SGCZ: variants seen among roughly 807,000 people sequenced by gnomAD.
SGCZ encodes the protein sarcoglycan zeta.
In SGCZ, 40 loss-of-function variants were observed where a neutral mutation model predicts 41.3. The ratio of observed to expected loss-of-function variants is 0.97; its 90% CI spans 0.75 to 1.26. The LOEUF (loss-of-function observed/expected upper bound fraction) is 1.26. SGCZ is among the 50% of genes most tolerant of loss of function. The probability of loss-of-function intolerance (pLI) is 0.00; values close to 1 mark genes in which losing one functional copy is unlikely to be tolerated. For synonymous variants in SGCZ, 206 were observed against 137.5 expected (o/e 1.50, Z -3.49); for missense variants, 552 against 369.8 (o/e 1.49, Z -4.04).
intron 2 of SGCZ, among the ~76,000 whole-genome samples, chr8:14,346,603 T>C (rs972799414): frequency 7.9e-5 from 12 of 152,194 alleles, no homozygotes; most frequent in African/African-American, 2.9e-4. Flanking sequence ...ATAAATCTTA[T>C]ATTCATTTAT....
At chr8:14,382,337 A>G (rs1804398425) in intron 2 of SGCZ, among the ~76,000 whole-genome samples, 1 of 152,128 alleles carries the variant, frequency 6.6e-6, no homozygotes, top group Non-Finnish European at 1.5e-5. Context: ...TAAGGCCCAA[A>G]GCCTGTGGGA....
At chr8:14,512,486 G>A (rs1286382303) in intron 2 of SGCZ, among the ~76,000 whole-genome samples, 1 of 151,968 alleles carries the variant, frequency 6.6e-6, no homozygotes, top group Non-Finnish European at 1.5e-5. Context: ...TTAGAGACAA[G>A]ATCTCGCTCT....
At chr8:14,689,642 C>G (rs945252833) in intron 1 of SGCZ, among the ~76,000 whole-genome samples, 1 of 152,118 alleles carries the variant, frequency 6.6e-6, no homozygotes, top group Admixed American at 6.6e-5. Context: ...GTAATTTGCC[C>G]TACAGAAATC....
In SGCZ at chr8:15,237,939, T is replaced by C. The variant is rs1421682424; in HGVS notation, c.-316A>G. 1 of 287,296 alleles carries C rather than the reference T, an allele frequency of 3.5e-6. No individual in the cohort carries two copies. Among genetic ancestry groups the C allele is most frequent in the Non-Finnish European group, 6.6e-6 (1 of 152,444 alleles). 17.8% of individuals were successfully genotyped at this position (287,296 alleles called of 1,614,324 possible). ...AAAAAAAAATCCACTCTATTTAAGA[T>C]TATTTCTTCTTCTGCAATAAGCTTA... is the stretch of plus-strand genomic sequence containing the variant. On this transcript the variant is annotated 5_prime_UTR_variant, in exon 1 of 8. Coordinates refer to ENST00000382080, the MANE Select transcript of SGCZ (RefSeq NM_139167.4).
intron 2 of SGCZ, among the ~76,000 whole-genome samples, chr8:14,421,485 C>T (rs188293377): frequency 6.6e-6 from 1 of 152,108 alleles, no homozygotes; most frequent in Non-Finnish European, 1.5e-5. Flanking sequence ...ATGACAACTC[C>T]AAGGTATTCT....
intron 2 of SGCZ, among the ~76,000 whole-genome samples, chr8:14,344,990 C>G (rs577182287): frequency 4.6e-5 from 7 of 151,716 alleles, no homozygotes; most frequent in African/African-American, 1.7e-4. Flanking sequence ...TACACACTGG[C>G]AAAATAAAAG....
At chr8:14,844,202 C>T (rs1289845825) in intron 1 of SGCZ, among the ~76,000 whole-genome samples, 1 of 152,074 alleles carries the variant, frequency 6.6e-6, no homozygotes, top group Non-Finnish European at 1.5e-5. Flanking sequence ...CCCCCATATA[C>T]TTTACCTGTT....
intron 1 of SGCZ, among the ~76,000 whole-genome samples, chr8:15,136,708 C>T (rs1808119019): frequency 6.6e-6 from 1 of 152,100 alleles, no homozygotes; most frequent in Admixed American, 6.6e-5. Context: ...TGAAGAGGTG[C>T]CTTTAACCAT....
In SGCZ at chr8:14,539,185, G is replaced by A. The variant is rs142969452; in HGVS notation, c.234+15547C>T. On this transcript the variant is annotated intron_variant, in intron 2 of 7. Coordinates refer to ENST00000382080, the MANE Select transcript of SGCZ (RefSeq NM_139167.4). ...AGATTATCTTCGGACTGGAACTAAA[G>A]CATCGTATCTTCCCTGGGCCTCCCG... 5.1e-4 allele frequency among the ~76,000 whole-genome samples: 78 copies of A among 152,118 alleles called. No individual in the cohort carries two copies. The East Asian group carries it at 0.015, about 30-fold the overall frequency.
intron 3 of SGCZ, among the ~76,000 whole-genome samples, chr8:14,321,152 T>C (rs1200602272): frequency 6.6e-6 from 1 of 152,116 alleles, no homozygotes; most frequent in Non-Finnish European, 1.5e-5. Flanking sequence ...TGTTCTTGTC[T>C]GAATAGTATT....
chr8:15,072,802 G>A (rs537855565), intron 1 of SGCZ, among the ~76,000 whole-genome samples: 35 of 152,258 alleles, frequency 2.3e-4, no homozygotes, highest in African/African-American at 8.4e-4. Context: ...TCAAATCTCA[G>A]AGCATGAAAT....
intron 4 of SGCZ, among the ~76,000 whole-genome samples, chr8:14,189,497 C>T (rs1805021690): frequency 6.6e-6 from 1 of 152,146 alleles, no homozygotes; most frequent in African/African-American, 2.4e-5. Context: ...AATGACTTTG[C>T]TACACACACA....
chr8:14,502,074 G>A (rs1802171999), intron 2 of SGCZ, among the ~76,000 whole-genome samples: 2 of 151,984 alleles, frequency 1.3e-5, no homozygotes, highest in African/African-American at 2.4e-5. Context: ...AAATTCTTTT[G>A]TTTGTCAGGT....
intron 1 of SGCZ, among the ~76,000 whole-genome samples, chr8:14,936,781 G>A (rs184997943): frequency 4.9e-4 from 75 of 151,736 alleles, no homozygotes; most frequent in East Asian, 1.2e-3. Context: ...AATGAGATTC[G>A]AAATTATGAA....
intron 1 of SGCZ, among the ~76,000 whole-genome samples, chr8:15,111,968 G>T (rs576915242): frequency 2.0e-5 from 3 of 151,504 alleles, no homozygotes; most frequent in Admixed American, 2.0e-4. Flanking sequence ...TACTTGGTGC[G>T]TTTTGTTCAA....
intron 4 of SGCZ, among the ~76,000 whole-genome samples, chr8:14,183,699 C>T (rs778092239): frequency 3.7e-4 from 56 of 152,120 alleles, no homozygotes; most frequent in Admixed American, 2.2e-3. Flanking sequence ...TCTAATCTAC[C>T]TATACGTATT....
chr8:14,616,152 G>A (rs578118111), intron 1 of SGCZ, among the ~76,000 whole-genome samples: 2 of 151,904 alleles, frequency 1.3e-5, no homozygotes, highest in East Asian at 3.9e-4. Flanking sequence ...GCGTGGGAGC[G>A]GGCGCCTCTA....
At chr8:14,519,312 A>G (rs1009590101) in intron 2 of SGCZ, among the ~76,000 whole-genome samples, 1 of 152,126 alleles carries the variant, frequency 6.6e-6, no homozygotes, top group South Asian at 2.1e-4. Context: ...TATTTTCAGC[A>G]GAGCAGAAGT....
intron 2 of SGCZ, among the ~76,000 whole-genome samples, chr8:14,482,063 G>A (rs1457375171): frequency 5.9e-5 from 9 of 152,130 alleles, no homozygotes; most frequent in Non-Finnish European, 1.2e-4. Context: ...AGGACTAAGC[G>A]AGTATCTTAA....
Sources: gnomAD v4.1 joint callset for allele counts (sites outside exome capture counted in the v4.1 genomes callset) on GRCh38, gnomAD v4.1.1 for gene constraint, MANE v1.5 for transcripts, NCBI Gene and HGNC (gene_info 2026-07-23, HGNC 2026-07-21) for gene names.